DCTD: variants seen among roughly 807,000 people sequenced by gnomAD.
DCTD encodes deoxycytidylate deaminase.
Under a neutral mutation model 21.0 loss-of-function variants are expected in DCTD, and 23 were observed. The observed-to-expected ratio is 1.09, with a 90% confidence interval of 0.79 to 1.55. DCTD has a LOEUF of 1.55. Among genes scored for constraint, DCTD ranks in the 40% most tolerant of loss-of-function variants. The probability of loss-of-function intolerance (pLI) is 0.00; values close to 1 mark genes in which losing one functional copy is unlikely to be tolerated. For synonymous variants in DCTD, 71 were observed against 81.1 expected (o/e 0.88, Z 0.67); for missense variants, 224 against 230.0 (o/e 0.97, Z 0.17).
At position 182,915,373 on chromosome 4, in the gene DCTD, G is replaced by A. The variant is rs898984275; in HGVS notation, c.108+88C>T. On this transcript the variant is annotated intron_variant, in intron 2 of 5. Transcript: ENST00000438320. ...CCGACCCTGCACTTTTAAGTTGACA[G>A]GCGTCCACTGAGTCTCCCCTTTCTG... The A allele has an allele frequency of 3.3e-6, 3 of 916,296 alleles. No individual in the cohort carries two copies. The African/African-American group carries it at 4.9e-5, about 15-fold the overall frequency. The allele number at this position is 916,296 out of a possible 1,614,324, so 56.8% of individuals were successfully genotyped here.
intron 3 of DCTD, among the ~76,000 whole-genome samples, chr4:182,904,929 A>C (rs1013394388): frequency 6.6e-6 from 1 of 152,100 alleles, no homozygotes; most frequent in Admixed American, 6.5e-5. Context: ...AGAAATCTCT[A>C]TCTCACTCTC....
At chr4:182,900,856 TG>T (rs1411937340) in intron 3 of DCTD, among the ~76,000 whole-genome samples, 18 of 10,428 alleles carry the variant, frequency 1.7e-3, no homozygotes, top group Admixed American at 0.013. Flanking sequence ...TCATATGCTT[TG>T]GTTTTTTTTT....
intron 5 of DCTD, among the ~76,000 whole-genome samples, chr4:182,891,957 C>CT (rs5864809): frequency 0.57 from 74,491 of 130,884 alleles, 22,754 homozygotes; most frequent in Non-Finnish European, 0.67. Context: ...CATAAACCAA[C>CT]TTTTTTTTTT....
intron 3 of DCTD, among the ~76,000 whole-genome samples, chr4:182,912,575 A>C (rs1438861606): frequency 1.3e-5 from 2 of 152,222 alleles, no homozygotes; most frequent in Non-Finnish European, 1.5e-5. Context: ...ATAAAAAACA[A>C]TCGGTGAAGT....
At chr4:182,910,294 C>T (rs1329366944) in intron 3 of DCTD, among the ~76,000 whole-genome samples, 1 of 152,206 alleles carries the variant, frequency 6.6e-6, no homozygotes, top group African/African-American at 2.4e-5. Context: ...ACTAAAAATT[C>T]CCTTAAGTTT....
chr4:182,915,200 G>T, intron 2 of DCTD, 142 bp from the exon 3 acceptor site: 2 of 1,146,570 alleles, frequency 1.7e-6, no homozygotes, highest in Non-Finnish European at 1.2e-6. Flanking sequence ...CGGTCTCCTT[G>T]CCTGGTTTTT....
At chr4:182,905,326 CTTTTT>C (rs70956544) in intron 3 of DCTD, among the ~76,000 whole-genome samples, 4 of 121,572 alleles carry the variant, frequency 3.3e-5, no homozygotes, top group Non-Finnish European at 6.8e-5. Context: ...AGCCCGCCTT[CTTTTT>C]TTTTTTTTTT....
intron 3 of DCTD, among the ~76,000 whole-genome samples, chr4:182,900,264 T>C (rs1469655457): frequency 6.6e-6 from 1 of 151,928 alleles, no homozygotes; most frequent in East Asian, 1.9e-4. Context: ...TGCAGTGAGC[T>C]GTGTTTGCAC....
intron 3 of DCTD, among the ~76,000 whole-genome samples, chr4:182,900,745 G>A (rs1735575474): frequency 6.6e-6 from 1 of 152,026 alleles, no homozygotes; most frequent in African/African-American, 2.4e-5. Context: ...TCCCAACCTT[G>A]TTTAAAAGGA....
chr4:182,903,447 T>G (rs931806750), intron 3 of DCTD, among the ~76,000 whole-genome samples: 1 of 151,922 alleles, frequency 6.6e-6, no homozygotes, highest in Non-Finnish European at 1.5e-5. Context: ...ACAGTGTAAG[T>G]GTGTGTGTGA....
chr4:182,901,941 C>T (rs1375249125), intron 3 of DCTD, among the ~76,000 whole-genome samples: 4 of 152,210 alleles, frequency 2.6e-5, no homozygotes, highest in African/African-American at 9.6e-5. Flanking sequence ...TCTGGGAGCA[C>T]CTGCACCCCT....
intron 3 of DCTD, among the ~76,000 whole-genome samples, chr4:182,908,756 A>C (rs1242025722): frequency 1.3e-5 from 2 of 152,016 alleles, no homozygotes; most frequent in African/African-American, 4.8e-5. Context: ...TTGCATTCAG[A>C]TCATTAATGT....
intron 5 of DCTD, 47 bp from the exon 6 acceptor site, chr4:182,891,524 G>C: frequency 7.6e-7 from 1 of 1,321,730 alleles, no homozygotes; most frequent in Non-Finnish European, 1.1e-6. Context: ...AGTAGTGAAA[G>C]CAATTTGTTT....
Position 182,891,477 on chromosome 4 carries a change from C to T in DCTD, c.459G>A (p.Arg153=), listed in dbSNP as rs769584873. The T allele has an allele frequency of 6.2e-7, 1 of 1,604,606 alleles. No individual in the cohort carries two copies. Residue 153 remains arginine, a splice_region_variant and synonymous_variant, in exon 6 of 6, where the codon CGG becomes CGA. Coordinates refer to ENST00000438320, the MANE Select transcript of DCTD (RefSeq NM_001921.3). The stretch of plus-strand genomic sequence containing the variant: ...TCTTGCTGCACTTCGGTATGAATTT[C>T]CTAAAAATAAAAACAAAATACAATT... ...LLFNMAGVTF[R]KFIPKCSKIV...
intron 3 of DCTD, among the ~76,000 whole-genome samples, chr4:182,912,480 A>G (rs1236925640): frequency 1.3e-5 from 2 of 152,254 alleles, no homozygotes; most frequent in Non-Finnish European, 1.5e-5. Context: ...AAGAGCAAAG[A>G]GCTTTGAAAA....
intron 3 of DCTD, among the ~76,000 whole-genome samples, chr4:182,895,100 T>C (rs1734508492): frequency 6.6e-6 from 1 of 152,236 alleles, no homozygotes; most frequent in Non-Finnish European, 1.5e-5. Flanking sequence ...GCAGCCAGAC[T>C]GGGTCTCGTT....
At chr4:182,917,424 C>G, upstream of DCTD, 1 of 996,820 alleles carries the variant, frequency 1.0e-6, no homozygotes, top group Non-Finnish European at 1.2e-6. This position sits in a 1 kb window ranked among gnomAD's most constrained non-coding sequence, Gnocchi z 4.9. Context: ...GGGGCAGCGG[C>G]CCGGGCGCCG....
chr4:182,911,711 T>C (rs1194485412), intron 3 of DCTD, among the ~76,000 whole-genome samples: 1 of 152,178 alleles, frequency 6.6e-6, no homozygotes, highest in Non-Finnish European at 1.5e-5. Context: ...TACTAAGGTA[T>C]TGCAAGGGGT....
intron 5 of DCTD, among the ~76,000 whole-genome samples, 184 bp from the exon 6 acceptor site, chr4:182,891,661 G>A (rs1733773651): frequency 6.6e-6 from 1 of 152,098 alleles, no homozygotes; most frequent in Non-Finnish European, 1.5e-5. Context: ...AAAAGACTAA[G>A]ACAAAAAAAG....
Sources: gnomAD v4.1 joint callset for allele counts (sites outside exome capture counted in the v4.1 genomes callset) on GRCh38, gnomAD v4.1.1 for gene constraint, Gnocchi (gnomAD v3.1) non-coding constraint, MANE v1.5 for transcripts, NCBI Gene and HGNC (gene_info 2026-07-23, HGNC 2026-07-21) for gene names.